CTDSPL: variants seen among roughly 807,000 people sequenced by gnomAD.
CTDSPL encodes CTD small phosphatase-like protein.
CTDSPL carries 8 observed loss-of-function variants against 30.5 expected under a neutral mutation model. The ratio of observed to expected loss-of-function variants is 0.26; its 90% CI spans 0.15 to 0.47. The LOEUF (loss-of-function observed/expected upper bound fraction) is 0.47. CTDSPL is among the 20% of genes least tolerant of loss of function. The pLI is 0.99. For synonymous variants in CTDSPL, 110 were observed against 137.9 expected, an observed-to-expected ratio of 0.80 and a Z score of 1.42; for missense variants, 248 against 366.1, an observed-to-expected ratio of 0.68 and a Z score of 2.63.
intron 1 of CTDSPL, among the ~76,000 whole-genome samples, chr3:37,924,351 A>G (rs1213952980): frequency 6.6e-6 from 1 of 152,174 alleles, no homozygotes; most frequent in Non-Finnish European, 1.5e-5. Context: ...TCGAAGGGTT[A>G]TGAAGTCCAG....
At chr3:37,930,804 A>G (rs1015531320) in intron 1 of CTDSPL, among the ~76,000 whole-genome samples, 9 of 152,096 alleles carry the variant, frequency 5.9e-5, no homozygotes, top group Non-Finnish European at 1.0e-4. Context: ...GTTGAAATCT[A>G]CTATTATTGT....
intron 1 of CTDSPL, among the ~76,000 whole-genome samples, chr3:37,939,031 C>G (rs1225392345): frequency 2.0e-5 from 3 of 150,014 alleles, no homozygotes; most frequent in African/African-American, 7.3e-5. Flanking sequence ...TTTTAAAGAG[C>G]TACTTAATGT....
chr3:37,909,238 C>G (rs79247824), intron 1 of CTDSPL, among the ~76,000 whole-genome samples: 1,742 of 152,334 alleles, frequency 0.011, 32 homozygotes, highest in African/African-American at 0.039. Context: ...GGTGTCCTGG[C>G]TGAGCAAATC....
At chr3:37,959,768 T>G (rs1699214871) in intron 3 of CTDSPL, among the ~76,000 whole-genome samples, 1 of 152,228 alleles carries the variant, frequency 6.6e-6, no homozygotes, top group South Asian at 2.1e-4. Context: ...AGGATATATT[T>G]TACAGTATTG....
chr3:37,950,876 C>T lies in CTDSPL; in HGVS notation c.234+3665C>T, dbSNP rs75909511. ...TTAGTATCAGACTTCTCATCAGCAA[C>T]ACTAAAAGCCAGAAGACTATGAAAA... is the stretch of plus-strand genomic sequence containing the variant. On this transcript the variant is annotated intron_variant, in intron 2 of 7. Transcript: ENST00000273179. Among the ~76,000 whole-genome samples, 132 of 152,158 alleles carry T rather than the reference C, an allele frequency of 8.7e-4. 1 individual carries two copies. In the East Asian group the frequency reaches 0.023, roughly 27 times the overall value.
Position 37,894,112 on chromosome 3 carries a change from C to T in CTDSPL, c.79+31834C>T, listed in dbSNP as rs1698363685. Among the ~76,000 whole-genome samples, 4 of 152,052 alleles carry T rather than the reference C, an allele frequency of 2.6e-5. No homozygotes were observed. In the South Asian group the frequency reaches 8.3e-4, roughly 31 times the overall value. On this transcript the variant is annotated intron_variant, in intron 1 of 7. Transcript: ENST00000273179. ...TTTTGTTTTAAGAGAAAAGATCTCA[C>T]GGTGTCACCCAGGCTGGAGTATATA...
At chr3:37,866,193 T>C (rs1698007468) in intron 1 of CTDSPL, among the ~76,000 whole-genome samples, 1 of 152,224 alleles carries the variant, frequency 6.6e-6, no homozygotes, top group African/African-American at 2.4e-5. Context: ...ATTAGCAGAA[T>C]ACTGTGAGGC....
chr3:37,927,721 C>T (rs956168580), intron 1 of CTDSPL, among the ~76,000 whole-genome samples: 6 of 139,520 alleles, frequency 4.3e-5, no homozygotes, highest in African/African-American at 1.7e-4. Flanking sequence ...ATGAAATCTA[C>T]CCTCTTAAGT....
rs80192636 is a variant in CTDSPL, at chr3:37,922,466, T to C, written c.80-24591T>C. On this transcript the variant is annotated intron_variant, in intron 1 of 7. Transcript: ENST00000273179. ...CAGGAGTGACCAGTAAGATTCCTAATGGGAAGATAGATGTCAGGACAACAA... is the reference window on the plus strand; with the variant it reads ...CAGGAGTGACCAGTAAGATTCCTAACGGGAAGATAGATGTCAGGACAACAA... Among the ~76,000 whole-genome samples the C allele has an allele frequency of 2.0e-3, 312 of 152,226 alleles. 3 individuals carry two copies. The highest frequency in any genetic ancestry group is 7.2e-3 in the African/African-American group (300 of 41,544).
At chr3:37,937,586 C>A (rs981275881) in intron 1 of CTDSPL, among the ~76,000 whole-genome samples, 4 of 150,504 alleles carry the variant, frequency 2.7e-5, no homozygotes, top group African/African-American at 9.7e-5. Context: ...AAATAAACTT[C>A]TTTTCTTTAT....
chr3:37,961,011 A>G (rs1699239211), intron 3 of CTDSPL, among the ~76,000 whole-genome samples: 1 of 152,170 alleles, frequency 6.6e-6, no homozygotes, highest in East Asian at 1.9e-4. Flanking sequence ...ATCATCCTTT[A>G]TGCTCCTTGA....
At position 37,908,634 on chromosome 3, in the gene CTDSPL, A is replaced by G. The variant is rs144288405; in HGVS notation, c.80-38423A>G. ...TATAGCTTCTTCATATTTTAAATTAATCCCTGACGATAGACAGGAAATTGA... is the reference window on the plus strand; with the variant it reads ...TATAGCTTCTTCATATTTTAAATTAGTCCCTGACGATAGACAGGAAATTGA... On this transcript the variant is annotated intron_variant, in intron 1 of 7. Coordinates refer to ENST00000273179, the MANE Select transcript of CTDSPL (RefSeq NM_001008392.2). Among the ~76,000 whole-genome samples, 868 of 152,324 alleles carry G rather than the reference A, an allele frequency of 5.7e-3. 31 individuals carry two copies. Among genetic ancestry groups the G allele is most frequent in the Admixed American group, 0.051 (773 of 15,296 alleles).
chr3:37,914,245 C>T (rs1167249795), intron 1 of CTDSPL, among the ~76,000 whole-genome samples: 1 of 152,114 alleles, frequency 6.6e-6, no homozygotes, highest in Non-Finnish European at 1.5e-5. Flanking sequence ...ATTATATTTT[C>T]AAGCTATATA....
chr3:37,882,712 A>AAGAGGTT (rs1698221620), intron 1 of CTDSPL, among the ~76,000 whole-genome samples: 1 of 152,208 alleles, frequency 6.6e-6, no homozygotes, highest in Non-Finnish European at 1.5e-5. Context: ...AACTCAAAAG[A>AAGAGGTT]AGAGGTTAAA....
chr3:37,870,367 C>A (rs1698058858), intron 1 of CTDSPL, among the ~76,000 whole-genome samples: 1 of 151,958 alleles, frequency 6.6e-6, no homozygotes, highest in Non-Finnish European at 1.5e-5. Context: ...GCATTTTTCC[C>A]TTATTACCTT....
intron 1 of CTDSPL, among the ~76,000 whole-genome samples, chr3:37,882,296 G>T (rs1226342983): frequency 6.6e-6 from 1 of 152,056 alleles, no homozygotes; most frequent in East Asian, 1.9e-4. Flanking sequence ...CAAAAAATTA[G>T]CCAGGTGTGG....
At chr3:37,968,310 TCATTCCTGCATCG>T in intron 5 of CTDSPL, 1 of 449,532 alleles carries the variant, frequency 2.2e-6, no homozygotes, top group Non-Finnish European at 4.4e-6. Flanking sequence ...ACTGATCTTA[TCATTCCTGCATCG>T]TTTTCTCCAG....
In CTDSPL at chr3:37,862,766, G is replaced by A. The variant is rs1166280288; in HGVS notation, c.79+488G>A. The stretch of plus-strand genomic sequence containing the variant: ...TTTGTGTTGTGTGTATTAGAGGTTT[G>A]TATGGGCCTGACTGAGGGGTTGTGG... On this transcript the variant is annotated intron_variant, in intron 1 of 7. Coordinates refer to ENST00000273179, the MANE Select transcript of CTDSPL (RefSeq NM_001008392.2). The surrounding 1 kb of genome is among the most constrained non-coding windows in gnomAD (Gnocchi z 4.3). 6.6e-6 allele frequency among the ~76,000 whole-genome samples: 1 copy of A among 152,190 alleles called. No individual in the cohort carries two copies. Among genetic ancestry groups the A allele is most frequent in the East Asian group, 1.9e-4 (1 of 5,182 alleles).
intron 1 of CTDSPL, among the ~76,000 whole-genome samples, chr3:37,903,794 T>C (rs1477168852): frequency 2.0e-5 from 3 of 152,170 alleles, no homozygotes; most frequent in Admixed American, 2.0e-4. Context: ...CTTGCATTTC[T>C]ACTCTTCCCC....
Sources: gnomAD v4.1 joint callset for allele counts (sites outside exome capture counted in the v4.1 genomes callset) on GRCh38, gnomAD v4.1.1 for gene constraint, Gnocchi (gnomAD v3.1) non-coding constraint, MANE v1.5 for transcripts, NCBI Gene and HGNC (gene_info 2026-07-23, HGNC 2026-07-21) for gene names.